APLP2: variants seen among roughly 807,000 people sequenced by gnomAD.
The protein encoded by APLP2 is CDEI box-binding protein.
In APLP2, 53 loss-of-function variants were observed where a neutral mutation model predicts 89.9. That is an observed-to-expected ratio of 0.59 (90% CI 0.47 to 0.74). The LOEUF (loss-of-function observed/expected upper bound fraction) is 0.74. Among genes scored for constraint, APLP2 ranks in the 30% least tolerant of loss-of-function variants. APLP2 has a pLI of 0.00. For synonymous variants in APLP2, 372 were observed against 348.6 expected, an observed-to-expected ratio of 1.07 and a Z score of -0.75; for missense variants, 973 against 975.9, an observed-to-expected ratio of 1.00 and a Z score of 0.04.
At chr11:130,116,477 T>C (rs1190683432) in intron 3 of APLP2, among the ~76,000 whole-genome samples, 2 of 152,104 alleles carry the variant, frequency 1.3e-5, no homozygotes, top group African/African-American at 2.4e-5. Flanking sequence ...CCTTAGGGTG[T>C]GTATCTTTTT....
At chr11:130,111,926 C>G (rs1948632421) in intron 3 of APLP2, among the ~76,000 whole-genome samples, 1 of 152,194 alleles carries the variant, frequency 6.6e-6, no homozygotes, top group Non-Finnish European at 1.5e-5. Context: ...ATTGCTCCCC[C>G]TAAAGACTTT....
intron 13 of APLP2, among the ~76,000 whole-genome samples, chr11:130,136,338 C>T (rs1425811539): frequency 1.3e-5 from 2 of 152,162 alleles, no homozygotes; most frequent in Admixed American, 6.5e-5. Context: ...AAGAATGGCC[C>T]ACAGCTATGC....
chr11:130,091,730 C>CCA (rs1945278646), intron 1 of APLP2, among the ~76,000 whole-genome samples: 1 of 146,294 alleles, frequency 6.8e-6, no homozygotes, highest in African/African-American at 2.6e-5. Context: ...CTGACCCCCC[C>CCA]ACCTCCCTCC....
At chr11:130,121,393 G>A (rs1189599025) in intron 4 of APLP2, among the ~76,000 whole-genome samples, 1 of 152,098 alleles carries the variant, frequency 6.6e-6, no homozygotes, top group African/African-American at 2.4e-5. Context: ...TGGGATTTCA[G>A]TATTTTTGGA....
At chr11:130,081,836 C>T (rs1475081695) in intron 1 of APLP2, among the ~76,000 whole-genome samples, 3 of 152,116 alleles carry the variant, frequency 2.0e-5, no homozygotes, top group Non-Finnish European at 2.9e-5. Context: ...ATGTAAACAG[C>T]ATACTGTGGA....
At chr11:130,122,807 T>C (rs141618171) in intron 6 of APLP2, among the ~76,000 whole-genome samples, 2 of 152,290 alleles carry the variant, frequency 1.3e-5, no homozygotes, top group African/African-American at 4.8e-5. Flanking sequence ...TCCTAAAATG[T>C]TCCCTCCCCA....
chr11:130,121,839 C>T (rs144449684), intron 5 of APLP2, 29 bp downstream of exon 5: 10 of 1,596,506 alleles, frequency 6.3e-6, no homozygotes, highest in Non-Finnish European at 6.8e-6. Context: ...ACTGTGAAGT[C>T]GTTTTGCCTT....
intron 1 of APLP2, among the ~76,000 whole-genome samples, chr11:130,082,105 T>TA (rs1391636747): frequency 6.6e-6 from 1 of 152,224 alleles, no homozygotes; most frequent in Non-Finnish European, 1.5e-5. Flanking sequence ...GGAGAGATGG[T>TA]AGTCAACACT....
intron 1 of APLP2, among the ~76,000 whole-genome samples, chr11:130,088,053 GTA>G: frequency 6.6e-6 from 1 of 152,310 alleles, no homozygotes. Flanking sequence ...GTTTTTACAT[GTA>G]GTTTTCCCTG....
intron 3 of APLP2, among the ~76,000 whole-genome samples, chr11:130,115,112 G>T (rs538392250): frequency 6.6e-6 from 1 of 152,212 alleles, no homozygotes; most frequent in South Asian, 2.1e-4. Flanking sequence ...ACATAAGGCT[G>T]TTTTCTCCCA....
intron 1 of APLP2, chr11:130,102,012 ATG>A (rs988274444): frequency 4.4e-6 from 2 of 455,590 alleles, no homozygotes; most frequent in Admixed American, 2.4e-5. Context: ...TAGGTGTCTG[ATG>A]TGTGTCTCTG....
At chr11:130,118,815 AG>A (rs1949504294) in intron 3 of APLP2, among the ~76,000 whole-genome samples, 1 of 152,190 alleles carries the variant, frequency 6.6e-6, no homozygotes, top group South Asian at 2.1e-4. Flanking sequence ...GCAGCATGTC[AG>A]GCTCACTTTC....
intron 1 of APLP2, among the ~76,000 whole-genome samples, chr11:130,106,080 T>C (rs2135745738): frequency 6.6e-6 from 1 of 152,346 alleles, no homozygotes; most frequent in South Asian, 2.1e-4. Context: ...GCTTCTGAGC[T>C]GTTAATGGTT....
chr11:130,131,057 G>A (rs542877179), intron 11 of APLP2, among the ~76,000 whole-genome samples: 1 of 152,338 alleles, frequency 6.6e-6, no homozygotes, highest in South Asian at 2.1e-4. Flanking sequence ...CAGCTCACAC[G>A]CTAGTGTAGA....
At chr11:130,095,843 A>T (rs921421435) in intron 1 of APLP2, among the ~76,000 whole-genome samples, 14 of 152,244 alleles carry the variant, frequency 9.2e-5, no homozygotes, top group African/African-American at 3.4e-4. Flanking sequence ...AACCAAGAGC[A>T]TAGACTTTAG....
chr11:130,142,195 A>G, intron 16 of APLP2, 121 bp downstream of exon 16: 1 of 1,140,254 alleles, frequency 8.8e-7, no homozygotes, highest in Non-Finnish European at 1.2e-6. Context: ...TTATCAGTTC[A>G]GTTACTCACT....
chr11:130,080,697 C>CT (rs375026553), intron 1 of APLP2, among the ~76,000 whole-genome samples: 4,007 of 130,228 alleles, frequency 0.031, 75 homozygotes, highest in Non-Finnish European at 0.043. Flanking sequence ...ATTTATCTTT[C>CT]TTTTTTTTTT....
intron 7 of APLP2, among the ~76,000 whole-genome samples, chr11:130,124,600 C>G (rs1202041466): frequency 6.6e-6 from 1 of 152,206 alleles, no homozygotes; most frequent in Non-Finnish European, 1.5e-5. Context: ...TTTCTTGGTT[C>G]CTACTCTGGA....
At chr11:130,140,539 G>A (rs1458991525) in intron 14 of APLP2, 56 bp downstream of exon 14, 10 of 1,422,006 alleles carry the variant, frequency 7.0e-6, no homozygotes, top group East Asian at 2.4e-5. Flanking sequence ...TCATTAGAGC[G>A]AGTGACCTGA....
Sources: gnomAD v4.1 joint callset for allele counts (sites outside exome capture counted in the v4.1 genomes callset) on GRCh38, gnomAD v4.1.1 for gene constraint, MANE v1.5 for transcripts, NCBI Gene and HGNC (gene_info 2026-07-23, HGNC 2026-07-21) for gene names.